CELSR1: variants seen among roughly 807,000 people sequenced by gnomAD.
CELSR1 encodes the protein cadherin EGF LAG seven-pass G-type receptor 1.
Under a neutral mutation model 249.1 loss-of-function variants are expected in CELSR1, and 110 were observed. The observed-to-expected ratio is 0.44, with a 90% CI of 0.38 to 0.52. CELSR1 has a LOEUF of 0.52. Ranked by LOEUF, CELSR1 falls within the 20% of genes least tolerant of loss-of-function variation. The probability of loss-of-function intolerance (pLI) is 0.00; values close to 1 mark genes in which losing one functional copy is unlikely to be tolerated. For synonymous variants in CELSR1, 2,113 were observed against 1,900.0 expected, an observed-to-expected ratio of 1.11 and a Z score of -2.92; for missense variants, 4,109 against 4,296.4, an observed-to-expected ratio of 0.96 and a Z score of 1.22.
chr22:46,470,604 C>T (rs1002458508), intron 1 of CELSR1, among the ~76,000 whole-genome samples: 1 of 152,140 alleles, frequency 6.6e-6, no homozygotes, highest in Non-Finnish European at 1.5e-5. Context: ...CAATCTCCTT[C>T]GAGACCACGG....
chr22:46,498,121 A>ATG (rs1228472383), intron 1 of CELSR1, among the ~76,000 whole-genome samples: 2 of 151,456 alleles, frequency 1.3e-5, no homozygotes, highest in Non-Finnish European at 2.9e-5. Context: ...GGTGGCGCAC[A>ATG]CCTGTAAGTC....
chr22:46,477,653 G>A (rs903364767), intron 1 of CELSR1, among the ~76,000 whole-genome samples: 5 of 151,628 alleles, frequency 3.3e-5, no homozygotes, highest in African/African-American at 7.3e-5. Context: ...GGCTACAGAC[G>A]TGGGCCACCA....
In CELSR1 at chr22:46,518,764, G is replaced by A. The variant is rs537277888; in HGVS notation, c.3544+14863C>T. 9.2e-5 allele frequency among the ~76,000 whole-genome samples: 14 copies of A among 152,192 alleles called. No individual in the cohort carries two copies. The highest frequency in any genetic ancestry group is 1.3e-4 in the Admixed American group (2 of 15,292). ...AAAGACTCCAGTTGTGGCTGGGCGCGGTGGCTCGCCTGTAATCCAGCACTT... is the reference window on the plus strand; with the variant it reads ...AAAGACTCCAGTTGTGGCTGGGCGCAGTGGCTCGCCTGTAATCCAGCACTT... On this transcript the variant is annotated intron_variant, in intron 1 of 34. Coordinates refer to ENST00000674500, the MANE Select transcript of CELSR1 (RefSeq NM_001378328.1). The surrounding 1 kb of genome is among the most constrained non-coding windows in gnomAD (Gnocchi z 5.2).
intron 1 of CELSR1, among the ~76,000 whole-genome samples, chr22:46,532,261 T>C (rs922187006): frequency 2.0e-5 from 3 of 152,262 alleles, no homozygotes; most frequent in Non-Finnish European, 4.4e-5. Context: ...TAAAGTGGTA[T>C]AGAAGAAAAA....
At chr22:46,456,654 CTCTG>C (rs531668768) in intron 2 of CELSR1, among the ~76,000 whole-genome samples, 164 of 104,676 alleles carry the variant, frequency 1.6e-3, no homozygotes, top group African/African-American at 6.4e-3. Flanking sequence ...CAGAGCGAGA[CTCTG>C]TCTAAAAAAA....
At chr22:46,509,356 C>T (rs1247440638) in intron 1 of CELSR1, among the ~76,000 whole-genome samples, 2 of 152,214 alleles carry the variant, frequency 1.3e-5, no homozygotes, top group Non-Finnish European at 2.9e-5. Flanking sequence ...GTACCCCAAA[C>T]CACTGAGCAG....
chr22:46,397,620 T>G (rs1423025927), intron 12 of CELSR1, 54 bp downstream of exon 12: 1 of 1,373,966 alleles, frequency 7.3e-7, no homozygotes, highest in East Asian at 2.8e-5. Context: ...CCTCCTGTGT[T>G]TCAGCCATAA....
chr22:46,449,147 C>G (rs2079852855), intron 2 of CELSR1, among the ~76,000 whole-genome samples: 1 of 149,390 alleles, frequency 6.7e-6, no homozygotes, highest in African/African-American at 2.5e-5. Context: ...CATCCACTCA[C>G]CCAGCTTCCA....
intron 1 of CELSR1, among the ~76,000 whole-genome samples, chr22:46,498,352 G>C (rs891872764): frequency 1.4e-5 from 2 of 147,158 alleles, no homozygotes; most frequent in African/African-American, 5.1e-5. Context: ...GCTCACGCCT[G>C]TAATCCCAGC....
At chr22:46,438,389 A>G (rs944714532) in intron 3 of CELSR1, among the ~76,000 whole-genome samples, 1 of 152,176 alleles carries the variant, frequency 6.6e-6, no homozygotes, top group African/African-American at 2.4e-5. Flanking sequence ...AGCGGCTCTC[A>G]GAGGCTCAAG....
At chr22:46,481,750 C>T in intron 1 of CELSR1, 1 of 476,332 alleles carries the variant, frequency 2.1e-6, no homozygotes, top group Non-Finnish European at 3.8e-6. Flanking sequence ...AGTGGCAACC[C>T]TGTGCTGCCC....
At position 46,394,161 on chromosome 22, in the gene CELSR1, T is replaced by C. The variant is rs151334299; in HGVS notation, c.5945A>G (p.Asn1982Ser). 201 of 1,613,786 alleles carry C rather than the reference T, an allele frequency of 1.2e-4. No homozygotes were observed. The highest frequency in any genetic ancestry group is 7.1e-5 in the Non-Finnish European group (84 of 1,179,878). The change falls in exon 14 of 35, where the codon AAC (asparagine) becomes AGC (serine). Residue 1982 changes from asparagine to serine, a missense_variant. Physicochemically the swap from Asn to Ser is conservative, Grantham distance 46. Coordinates refer to ENST00000674500, the MANE Select transcript of CELSR1 (RefSeq NM_001378328.1). ...KGFDPDCNKT[N>S]GQCQCKENYY... The stretch of plus-strand genomic sequence containing the variant: ...CCTCACCTTGCATTGGCACTGGCCG[T>C]TGGTCTTATTACAGTCGGGATCAAA...
rs938615258 is a variant in CELSR1 at position 46,412,246 on chromosome 22, G to A, written c.4612-487C>T. 2.0e-5 allele frequency among the ~76,000 whole-genome samples: 3 copies of A among 152,188 alleles called. No individual in the cohort carries two copies. Among genetic ancestry groups the A allele is most frequent in the African/African-American group, 2.4e-5 (1 of 41,454 alleles). ...GGAGGCACGGCCCTACCCGCGCCTT[G>A]ACTTCTAGGCACCAGACTGAGAGAG... On this transcript the variant is annotated intron_variant, in intron 5 of 34. Coordinates refer to ENST00000674500, the MANE Select transcript of CELSR1 (RefSeq NM_001378328.1). The surrounding 1 kb of genome is among the most constrained non-coding windows in gnomAD (Gnocchi z 4.5).
Position 46,386,485 on chromosome 22 carries a change from C to T in CELSR1, c.6656G>A (p.Arg2219His), listed in dbSNP as rs34267201. Reference sequence around the variant, plus strand: ...CACGTTGCTGAAGTAGCCCTCGAGGCGCCGGAGCAGCTGTGCCGTGCCGCC... The same window carrying T: ...CACGTTGCTGAAGTAGCCCTCGAGGTGCCGGAGCAGCTGTGCCGTGCCGCC... ...SEGGTAQLLR[R>H]LEGYFSNVAR... The change falls in exon 19 of 35, where the codon CGC (arginine) becomes CAC (histidine). Residue 2219 changes from arginine (R) to histidine (H), a missense_variant. By Grantham distance (29) the Arg-to-His change is conservative (BLOSUM62 0). Transcript: ENST00000674500. The T allele has an allele frequency of 0.062, 99,836 of 1,599,666 alleles. 3,588 individuals are homozygous for T. Among genetic ancestry groups the T allele is most frequent in the Non-Finnish European group, 0.074 (86,876 of 1,173,720 alleles).
Position 46,533,697 on chromosome 22 carries a change from G to C in CELSR1, c.3474C>G (p.Gly1158=), listed in dbSNP as rs373399653. Residue 1158 remains glycine (G), a synonymous_variant, in exon 1 of 35, where the codon GGC becomes GGG. Transcript: ENST00000674500. ...LRLLLLDPAT[G]ELQLSRDLDN... ...CCAGGTCGCGGCTGAGCTGCAGTTC[G>C]CCCGTGGCGGGGTCCAGCAGCAACA... 6.2e-7 allele frequency: 1 copy of C among 1,611,298 alleles called. No individual in the cohort carries two copies. Among genetic ancestry groups the C allele is most frequent in the Non-Finnish European group, 8.5e-7 (1 of 1,179,582 alleles).
chr22:46,366,580 C>T (rs934965000), intron 29 of CELSR1, 100 bp from the exon 30 acceptor site: 4 of 977,860 alleles, frequency 4.1e-6, no homozygotes, highest in South Asian at 2.9e-5. Flanking sequence ...CACACCCACA[C>T]CCTGGCTGGG....
intron 1 of CELSR1, among the ~76,000 whole-genome samples, chr22:46,486,382 T>A (rs1360935884): frequency 6.6e-6 from 1 of 151,420 alleles, no homozygotes; most frequent in Non-Finnish European, 1.5e-5. Context: ...ACCCCATCTC[T>A]ACTAAAAATA....
At position 46,536,841 on chromosome 22, in the gene CELSR1, G is replaced by A. The variant is rs2080863547; in HGVS notation, c.330C>T (p.His110=). 3.3e-6 allele frequency: 4 copies of A among 1,229,680 alleles called. No individual in the cohort carries two copies. The highest frequency in any genetic ancestry group is 1.6e-5 in the African/African-American group (1 of 62,112). The allele number at this position is 1,229,680 out of a possible 1,614,324, so 76.2% of individuals were successfully genotyped here. A position where few individuals can be genotyped will look rare whatever the true frequency, so the allele number is the denominator to read the frequency against. The change falls in exon 1 of 35, where the codon CAC becomes CAT. Residue 110 remains histidine, a synonymous_variant. Transcript: ENST00000674500. ...GGGCACGGGCTCCGCAGCCGGGAAG[G>A]TGCGTGCGCGCCCGCAGGCGGCGGC... is the stretch of plus-strand genomic sequence containing the variant. ...ALSRRLRART[H]LPGCGARARL...
In CELSR1 at chr22:46,448,021, T is replaced by C. The variant is rs3091345; in HGVS notation, c.4184-8610A>G. 0.47 allele frequency among the ~76,000 whole-genome samples: 72,219 copies of C among 152,134 alleles called. 18,010 individuals are homozygous for C. The highest frequency in any genetic ancestry group is 0.61 in the African/African-American group (25,490 of 41,488). On this transcript the variant is annotated intron_variant, in intron 2 of 34. Transcript: ENST00000674500. This position sits in a 1 kb window ranked among gnomAD's most constrained non-coding sequence, Gnocchi z 5.7. Reference sequence around the variant, plus strand: ...GCCCCGCCACTGGGGACCTGTCCCATACCAGGCTTGGGGCTGGTGCACTGC... The same window carrying C: ...GCCCCGCCACTGGGGACCTGTCCCACACCAGGCTTGGGGCTGGTGCACTGC...
Sources: gnomAD v4.1 joint callset for allele counts (sites outside exome capture counted in the v4.1 genomes callset) on GRCh38, gnomAD v4.1.1 for gene constraint, Gnocchi (gnomAD v3.1) non-coding constraint, MANE v1.5 for transcripts, NCBI Gene and HGNC (gene_info 2026-07-23, HGNC 2026-07-21) for gene names.